Variants in MLIP observed in about 807,000 individuals in gnomAD.
The protein encoded by MLIP is muscular LMNA-interacting protein.
MLIP carries 79 observed loss-of-function variants against 84.8 expected under a neutral mutation model. The ratio of observed to expected loss-of-function variants is 0.93; its 90% CI spans 0.78 to 1.12. MLIP has a LOEUF of 1.12. MLIP is among the 50% of genes most tolerant of loss of function. The probability of loss-of-function intolerance (pLI) is 0.00; values close to 1 mark genes in which losing one functional copy is unlikely to be tolerated. For missense variants in MLIP, 1,257 were observed against 1,160.6 expected, an observed-to-expected ratio of 1.08 and a Z score of -1.21; for synonymous variants, 504 against 463.0, an observed-to-expected ratio of 1.09 and a Z score of -1.14.
At chr6:54,248,158 C>A (rs1407500135) in intron 12 of MLIP, among the ~76,000 whole-genome samples, 2 of 152,022 alleles carry the variant, frequency 1.3e-5, no homozygotes, top group African/African-American at 4.8e-5. Context: ...TCCTTATAAT[C>A]TATAGAAGAT....
upstream of MLIP, among the ~76,000 whole-genome samples, chr6:54,108,696 G>A (rs1315255721): frequency 6.6e-6 from 1 of 152,134 alleles, no homozygotes; most frequent in Non-Finnish European, 1.5e-5. Flanking sequence ...ATAATAAATT[G>A]GTTTTCATGT....
chr6:54,120,658 A>G (rs111720073), intron 1 of MLIP, among the ~76,000 whole-genome samples: 54 of 152,282 alleles, frequency 3.5e-4, no homozygotes, highest in Middle Eastern at 3.4e-3. Flanking sequence ...CACTGCTGCT[A>G]CTTTCCATGC....
At chr6:54,201,394 C>T (rs1778666371) in intron 10 of MLIP, among the ~76,000 whole-genome samples, 1 of 152,154 alleles carries the variant, frequency 6.6e-6, no homozygotes, top group Non-Finnish European at 1.5e-5. Context: ...CTGGAAAGCC[C>T]TCTGGTGTCT....
chr6:54,188,457 TTTTA>T (rs1455018731), intron 9 of MLIP, among the ~76,000 whole-genome samples: 5 of 152,148 alleles, frequency 3.3e-5, no homozygotes, highest in African/African-American at 1.2e-4. Context: ...AATTTTTATT[TTTTA>T]TTTATTATAC....
At chr6:54,159,784 A>G (rs1774422262) in intron 5 of MLIP, among the ~76,000 whole-genome samples, 1 of 152,096 alleles carries the variant, frequency 6.6e-6, no homozygotes, top group Non-Finnish European at 1.5e-5. Context: ...GAATGTGCCC[A>G]TTAGGCCCAG....
intron 1 of MLIP, among the ~76,000 whole-genome samples, chr6:54,087,609 C>T (rs1767583716): frequency 6.6e-6 from 1 of 152,040 alleles, no homozygotes; most frequent in Admixed American, 6.6e-5. Flanking sequence ...ATGCCTTCTC[C>T]TTCCTCTGGG....
At chr6:54,077,507 CATA>C (rs1445725993) in intron 1 of MLIP, among the ~76,000 whole-genome samples, 1 of 152,082 alleles carries the variant, frequency 6.6e-6, no homozygotes, top group Non-Finnish European at 1.5e-5. Flanking sequence ...AACAATTACA[CATA>C]ATTATTATTA....
At position 54,139,112 on chromosome 6, in the gene MLIP, A is replaced by T. The variant is rs72961910; in HGVS notation, c.2217+826A>T. ...ATTAAATACCTGCTATATGTGTACC[A>T]CTATACTAGCTTTCTTTAGAGTGTG... On this transcript the variant is annotated intron_variant, in intron 4 of 13. Transcript: ENST00000502396. 5.3e-3 allele frequency among the ~76,000 whole-genome samples: 803 copies of T among 152,308 alleles called. 4 individuals carry two copies. The highest frequency in any genetic ancestry group is 8.9e-3 in the Non-Finnish European group (608 of 68,022).
chr6:54,175,033 C>A (rs1310489765), intron 9 of MLIP, among the ~76,000 whole-genome samples: 1 of 151,840 alleles, frequency 6.6e-6, no homozygotes, highest in Non-Finnish European at 1.5e-5. Context: ...GTTCTTGCCA[C>A]CTTTGTCAAA....
intron 1 of MLIP, among the ~76,000 whole-genome samples, chr6:54,073,886 T>C (rs1766635454): frequency 6.6e-6 from 1 of 152,224 alleles, no homozygotes; most frequent in Non-Finnish European, 1.5e-5. Context: ...ACTTATTATA[T>C]TTAATTACTT....
At chr6:54,248,628 T>C (rs1176511806) in intron 12 of MLIP, among the ~76,000 whole-genome samples, 1 of 149,128 alleles carries the variant, frequency 6.7e-6, no homozygotes, top group Admixed American at 6.6e-5. Flanking sequence ...GTCTAGAAGG[T>C]GGTCTTTGGA....
At chr6:54,033,431 T>A (rs908729370) in intron 1 of MLIP, among the ~76,000 whole-genome samples, 3 of 152,112 alleles carry the variant, frequency 2.0e-5, no homozygotes, top group African/African-American at 7.2e-5. Flanking sequence ...CTTGCTTGGC[T>A]AATTTTTGTA....
chr6:54,035,598 G>A (rs56853714), intron 1 of MLIP, among the ~76,000 whole-genome samples: 2 of 152,032 alleles, frequency 1.3e-5, no homozygotes, highest in East Asian at 3.9e-4. Context: ...ATGTATGAGT[G>A]TCACAGTTTC....
At chr6:54,262,236 G>C (rs1783433430) in intron 13 of MLIP, among the ~76,000 whole-genome samples, 1 of 151,970 alleles carries the variant, frequency 6.6e-6, no homozygotes, top group Admixed American at 6.6e-5. Flanking sequence ...CCCTTCACTA[G>C]GGTAGTAGAG....
chr6:54,112,097 A>G (rs761197180), intron 1 of MLIP, among the ~76,000 whole-genome samples: 1 of 152,198 alleles, frequency 6.6e-6, no homozygotes, highest in East Asian at 1.9e-4. Context: ...TTTCCCAAGG[A>G]TAGAAACTAA....
chr6:54,244,321 T>G (rs1007369308), intron 12 of MLIP, among the ~76,000 whole-genome samples: 3 of 152,198 alleles, frequency 2.0e-5, no homozygotes, highest in African/African-American at 7.2e-5. Flanking sequence ...TATTTGAGAT[T>G]GTTGGAATTG....
rs921374063 is a variant in MLIP, at chr6:54,081,744, A to T, written c.64-39703A>T. ...CATATGTTTTTATGAGAAAATGTTA[A>T]GACACTGACCTCGCCCCAGCAGACT... is the stretch of plus-strand genomic sequence containing the variant. On this transcript the variant is annotated intron_variant, in intron 1 of 12. Transcript: ENST00000274897. 1.1e-4 allele frequency among the ~76,000 whole-genome samples: 16 copies of T among 152,208 alleles called. No homozygotes were observed. The East Asian group carries it at 3.1e-3, about 29-fold the overall frequency.
At chr6:54,147,713 G>A (rs1370164276) in intron 4 of MLIP, among the ~76,000 whole-genome samples, 1 of 152,098 alleles carries the variant, frequency 6.6e-6, no homozygotes, top group African/African-American at 2.4e-5. Flanking sequence ...GTGTGTGTCT[G>A]TATGTGAGTA....
intron 9 of MLIP, among the ~76,000 whole-genome samples, chr6:54,174,278 A>G (rs1776060027): frequency 6.6e-6 from 1 of 151,876 alleles, no homozygotes; most frequent in Non-Finnish European, 1.5e-5. Context: ...TGGATCATAC[A>G]TGGTAGCTCT....
Sources: gnomAD v4.1 joint callset for allele counts (sites outside exome capture counted in the v4.1 genomes callset) on GRCh38, gnomAD v4.1.1 for gene constraint, MANE v1.5 for transcripts, NCBI Gene and HGNC (gene_info 2026-07-23, HGNC 2026-07-21) for gene names.